RGS18: variants seen among roughly 807,000 people sequenced by gnomAD.
RGS18 encodes the protein regulator of G protein signaling 18.
RGS18 carries 22 observed loss-of-function variants against 27.6 expected under a neutral mutation model. That is an observed-to-expected ratio of 0.80 (90% confidence interval 0.57 to 1.14). The LOEUF is 1.14. Ranked by LOEUF, RGS18 falls within the 50% of genes most tolerant of loss-of-function variation. RGS18 has a pLI of 0.00. For missense variants in RGS18, 299 were observed against 269.6 expected (o/e 1.11, Z -0.76); for synonymous variants, 89 against 84.6 (o/e 1.05, Z -0.29).
Position 192,185,372 on chromosome 1 carries a change from C to T in RGS18, c.*818C>T, listed in dbSNP as rs891958289. The T allele has an allele frequency of 6.6e-6, 1 of 151,528 alleles. No homozygotes were observed. The highest frequency in any genetic ancestry group is 2.4e-5 in the African/African-American group (1 of 41,338). The allele number at this position is 151,528 out of a possible 1,614,324, so 9.4% of individuals were successfully genotyped here. A position where few individuals can be genotyped will look rare whatever the true frequency, so the allele number is the denominator to read the frequency against. Reference sequence around the variant, plus strand: ...TACTAAACTATTAGGCCATCAATGGCTTGAATAAAAACCAGAGAAGGTTTT... The same window carrying T: ...TACTAAACTATTAGGCCATCAATGGTTTGAATAAAAACCAGAGAAGGTTTT... On this transcript the variant is annotated 3_prime_UTR_variant, in exon 5 of 5. Coordinates refer to ENST00000367460, the MANE Select transcript of RGS18 (RefSeq NM_130782.3).
At chr1:192,160,518 T>C in intron 3 of RGS18, 79 bp downstream of exon 3, 3 of 1,020,206 alleles carry the variant, frequency 2.9e-6, no homozygotes, top group Middle Eastern at 2.1e-4. Context: ...TCCGAAACAA[T>C]AGGTCACAAA....
At chr1:192,159,032 A>T (rs1280821168) in intron 1 of RGS18, among the ~76,000 whole-genome samples, 188 bp from the exon 2 acceptor site, 1 of 152,182 alleles carries the variant, frequency 6.6e-6, no homozygotes, top group Non-Finnish European at 1.5e-5. Context: ...ATTGTCGGTG[A>T]GCAAAAGGAG....
chr1:192,182,231 T>G (rs1312924404), intron 4 of RGS18, among the ~76,000 whole-genome samples: 1 of 151,598 alleles, frequency 6.6e-6, no homozygotes, highest in Admixed American at 6.6e-5. Flanking sequence ...CTGGATCGTA[T>G]GATAGTTTTA....
chr1:192,176,529 T>G (rs1197522326), intron 3 of RGS18, among the ~76,000 whole-genome samples: 1 of 151,692 alleles, frequency 6.6e-6, no homozygotes, highest in African/African-American at 2.4e-5. Flanking sequence ...TATAGTTATT[T>G]GTGGTAGGAG....
intron 3 of RGS18, among the ~76,000 whole-genome samples, chr1:192,172,534 C>T (rs796208030): frequency 2.0e-5 from 3 of 151,988 alleles, no homozygotes; most frequent in African/African-American, 7.2e-5. Context: ...CTCAGGTATT[C>T]CTTTATAGCA....
chr1:192,174,623 T>TC (rs1322540193), intron 3 of RGS18, among the ~76,000 whole-genome samples: 1 of 151,900 alleles, frequency 6.6e-6, no homozygotes, highest in Non-Finnish European at 1.5e-5. Flanking sequence ...GATTGTTATG[T>TC]ACTAGTAATA....
In RGS18 at chr1:192,159,355, T is replaced by C. The variant is rs201336568; in HGVS notation, c.221+34T>C. On this transcript the variant is annotated intron_variant, in intron 2 of 4. Coordinates refer to ENST00000367460, the MANE Select transcript of RGS18 (RefSeq NM_130782.3). ...ATTTTCAGTATTTTGAGGAAGATTT[T>C]GCTGATTCTATCATTAAAGATTTAA... The C allele has an allele frequency of 1.9e-4, 268 of 1,414,812 alleles. 2 individuals are homozygous for C. The East Asian group carries it at 6.0e-3, about 32-fold the overall frequency. The allele number at this position is 1,414,812 out of a possible 1,614,324, so 87.6% of individuals were successfully genotyped here. A position where few individuals can be genotyped will look rare whatever the true frequency, so the allele number is the denominator to read the frequency against.
chr1:192,162,392 T>G (rs1656089587), intron 3 of RGS18, among the ~76,000 whole-genome samples: 1 of 152,166 alleles, frequency 6.6e-6, no homozygotes, highest in African/African-American at 2.4e-5. Context: ...CATTGCAACC[T>G]CCACCTCTTG....
intron 3 of RGS18, chr1:192,168,131 G>A (rs866918937): frequency 6.6e-6 from 1 of 152,158 alleles, no homozygotes. Flanking sequence ...CTAAAGGACT[G>A]TTTAGTAAGT....
intron 3 of RGS18, among the ~76,000 whole-genome samples, chr1:192,164,100 C>G (rs996052064): frequency 6.6e-6 from 1 of 151,894 alleles, no homozygotes; most frequent in African/African-American, 2.4e-5. Flanking sequence ...TTTGGGTATT[C>G]AATTTGACAA....
chr1:192,180,979 C>T (rs1656442954), intron 3 of RGS18, among the ~76,000 whole-genome samples: 1 of 151,526 alleles, frequency 6.6e-6, no homozygotes. Context: ...TCACACTCTG[C>T]GAGGGGAACG....
At position 192,181,435 on chromosome 1, in the gene RGS18, A is replaced by G; in HGVS notation, c.427A>G (p.Ile143Val). The G allele has an allele frequency of 2.5e-6, 4 of 1,568,660 alleles. No individual in the cohort carries two copies. The highest frequency in any genetic ancestry group is 3.4e-6 in the Non-Finnish European group (4 of 1,162,346). ...LKAKAIYEKFIQTDAPKEVNL... is the reference protein window; with the variant it reads ...LKAKAIYEKFVQTDAPKEVNL... The stretch of plus-strand genomic sequence containing the variant: ...AGCAAAAGCAATATATGAGAAATTT[A>G]TACAGACTGATGCCCCAAAAGAGGT... Residue 143 changes from isoleucine (I) to valine (V), a missense_variant, in exon 4 of 5, where the codon ATA (isoleucine) becomes GTA (valine). Ile to Val is a conservative substitution (Grantham distance 29). Coordinates refer to ENST00000367460, the MANE Select transcript of RGS18 (RefSeq NM_130782.3).
intron 3 of RGS18, among the ~76,000 whole-genome samples, chr1:192,173,026 A>T (rs1656291004): frequency 6.6e-6 from 1 of 151,332 alleles, no homozygotes; most frequent in South Asian, 2.1e-4. Flanking sequence ...TATAAGTAAC[A>T]CTTAACCTTC....
rs929015087 is a variant in RGS18, at chr1:192,185,368, A to G, written c.*814A>G. 1 of 151,588 alleles carries G rather than the reference A, an allele frequency of 6.6e-6. No individual in the cohort carries two copies. The highest frequency in any genetic ancestry group is 1.9e-4 in the East Asian group (1 of 5,134). 9.4% of individuals were successfully genotyped at this position (151,588 alleles called of 1,614,324 possible). ...TTGCTACTAAACTATTAGGCCATCA[A>G]TGGCTTGAATAAAAACCAGAGAAGG... On this transcript the variant is annotated 3_prime_UTR_variant, in exon 5 of 5. Coordinates refer to ENST00000367460, the MANE Select transcript of RGS18 (RefSeq NM_130782.3).
chr1:192,174,544 T>G (rs1656323873), intron 3 of RGS18, among the ~76,000 whole-genome samples: 2 of 151,866 alleles, frequency 1.3e-5, no homozygotes, highest in African/African-American at 4.8e-5. Flanking sequence ...ATTGTGAATT[T>G]TTCTACTTCT....
rs758940898 is a variant in RGS18 at position 192,172,884 on chromosome 1, A to ATATATATAT, written c.284-8408_284-8407insTATATATAT. Among the ~76,000 whole-genome samples the ATATATATAT allele has an allele frequency of 6.5e-4, 63 of 97,476 alleles. 1 individual carries two copies. Among genetic ancestry groups the ATATATATAT allele is most frequent in the Middle Eastern group, 4.9e-3 (1 of 206 alleles). 63.9% of individuals were successfully genotyped at this position (97,476 alleles called of 152,430 possible). A position where few individuals can be genotyped will look rare whatever the true frequency, so the allele number is the denominator to read the frequency against. The stretch of plus-strand genomic sequence containing the variant: ...ATATGCATATATATATATATATATA[A>ATATATATAT]ATATATATATATACACATATGTATA... On this transcript the variant is annotated intron_variant, in intron 3 of 4. Transcript: ENST00000367460.
chr1:192,184,390 C>A lies in RGS18; in HGVS notation c.544C>A (p.Gln182Lys). 6.2e-7 allele frequency: 1 copy of A among 1,611,854 alleles called. No homozygotes were observed. Among genetic ancestry groups the A allele is most frequent in the Non-Finnish European group, 8.5e-7 (1 of 1,178,612 alleles). The change falls in exon 5 of 5, where the codon CAG (glutamine) becomes AAG (lysine). Residue 182 changes from glutamine (Q) to lysine (K), a missense_variant. Gln to Lys is a moderately conservative substitution (Grantham distance 53, BLOSUM62 1). Coordinates refer to ENST00000367460, the MANE Select transcript of RGS18 (RefSeq NM_130782.3). ...SFDAAQSRVYQLMEQDSYTRF... is the reference protein window; with the variant it reads ...SFDAAQSRVYKLMEQDSYTRF... The stretch of plus-strand genomic sequence containing the variant: ...TGATGCTGCACAAAGCAGAGTGTAT[C>A]AGCTCATGGAACAAGACAGTTATAC...
chr1:192,158,650 T>G lies in RGS18; in HGVS notation c.13T>G (p.Leu5Val). 1 of 1,567,818 alleles carries G rather than the reference T, an allele frequency of 6.4e-7. No homozygotes were observed. The highest frequency in any genetic ancestry group is 1.3e-5 in the South Asian group (1 of 79,976). Residue 5 changes from leucine (L) to valine (V), a missense_variant, in exon 1 of 5, where the codon TTG (leucine) becomes GTG (valine). Transcript: ENST00000367460. The stretch of plus-strand genomic sequence containing the variant: ...TTTTAGAGAGAAGATGGAAACAACA[T>G]TGCTTTTCTTTTCTCAAATAAATAT... METT[L>V]LFFSQINMCE...
chr1:192,171,169 C>A (rs1022631299), intron 3 of RGS18, among the ~76,000 whole-genome samples: 2 of 152,030 alleles, frequency 1.3e-5, no homozygotes, highest in East Asian at 1.9e-4. Context: ...CTCAAAGAAC[C>A]ATTGTTCATT....
Sources: allele counts gnomAD v4.1 joint callset (sites outside exome capture counted in the v4.1 genomes callset), GRCh38; gene constraint gnomAD v4.1.1; transcripts MANE v1.5; gene names NCBI Gene and HGNC (gene_info 2026-07-23, HGNC 2026-07-21).